STAB2: variants seen among roughly 807,000 people sequenced by gnomAD.
STAB2 encodes stabilin 2, also known as stabilin-2.
Under a neutral mutation model 338.1 loss-of-function variants are expected in STAB2, and 288 were observed. That is an observed-to-expected ratio of 0.85 (90% confidence interval 0.77 to 0.94). The LOEUF (loss-of-function observed/expected upper bound fraction) is 0.94. Among genes scored for constraint, STAB2 ranks in the 40% least tolerant of loss-of-function variants. The pLI is 0.00. For missense variants in STAB2, 3,141 were observed against 3,210.1 expected, an observed-to-expected ratio of 0.98 and a Z score of 0.52; for synonymous variants, 1,202 against 1,193.3, an observed-to-expected ratio of 1.01 and a Z score of -0.15.
intron 3 of STAB2, among the ~76,000 whole-genome samples, chr12:103,613,347 TC>T (rs1352272831): frequency 6.6e-6 from 1 of 152,142 alleles, no homozygotes; most frequent in Non-Finnish European, 1.5e-5. Context: ...AGTTCGAGCT[TC>T]CCGGCCACTT....
At chr12:103,702,291 G>GTT (rs1348975087) in intron 34 of STAB2, among the ~76,000 whole-genome samples, 65 of 124,848 alleles carry the variant, frequency 5.2e-4, no homozygotes, top group African/African-American at 1.8e-3. Flanking sequence ...AAAATTATCA[G>GTT]TTATTTTTTT....
chr12:103,693,179 T>A (rs751659854), intron 31 of STAB2, among the ~76,000 whole-genome samples: 2 of 152,132 alleles, frequency 1.3e-5, no homozygotes, highest in Non-Finnish European at 2.9e-5. Context: ...TGAGGCCAGG[T>A]GCTGTGGCTC....
At chr12:103,592,803 T>C (rs1001103873) in intron 2 of STAB2, among the ~76,000 whole-genome samples, 2 of 152,212 alleles carry the variant, frequency 1.3e-5, no homozygotes, top group African/African-American at 4.8e-5. Context: ...TCATCTTTCA[T>C]AACCAAAACT....
At chr12:103,605,175 A>T (rs1236959832) in intron 3 of STAB2, among the ~76,000 whole-genome samples, 1 of 151,914 alleles carries the variant, frequency 6.6e-6, no homozygotes, top group Non-Finnish European at 1.5e-5. Flanking sequence ...TTGTTTCCAA[A>T]TATGTTTCTT....
intron 52 of STAB2, 72 bp downstream of exon 52, chr12:103,735,652 C>A: frequency 8.4e-7 from 1 of 1,195,358 alleles, no homozygotes; most frequent in Non-Finnish European, 1.2e-6. Context: ...CAACAACTGC[C>A]CCTTCAAGGA....
Position 103,762,399 on chromosome 12 carries a change from T to C in STAB2, c.7485T>C (p.Phe2495=), listed in dbSNP as rs774230650. ...INRRTIGFQH[F]ESEEDINVAA... ...GGAGAACAATCGGCTTCCAGCATTT[T>C]GAGGTAAGAGAGAAAAATGGGAACA... The change falls in exon 67 of 69, where the codon TTT becomes TTC. Residue 2495 remains phenylalanine, a synonymous_variant. Transcript: ENST00000388887. 6.2e-7 allele frequency: 1 copy of C among 1,614,200 alleles called. No homozygotes were observed. The highest frequency in any genetic ancestry group is 1.1e-5 in the South Asian group (1 of 91,080).
chr12:103,643,921 C>T (rs1873114870), intron 9 of STAB2, among the ~76,000 whole-genome samples: 5 of 113,632 alleles, frequency 4.4e-5, no homozygotes, highest in South Asian at 2.9e-4. Flanking sequence ...TGAGGAGCCC[C>T]TCTGCCCGGC....
chr12:103,688,624 GC>G (rs1456991722), intron 28 of STAB2, among the ~76,000 whole-genome samples: 9 of 152,006 alleles, frequency 5.9e-5, no homozygotes, highest in Admixed American at 3.9e-4. Context: ...AGCCCAGCCA[GC>G]CATTGCAACA....
intron 3 of STAB2, among the ~76,000 whole-genome samples, chr12:103,618,587 T>A (rs562605348): frequency 6.6e-6 from 1 of 152,256 alleles, no homozygotes; most frequent in East Asian, 1.9e-4. Context: ...AAAGGTCTTA[T>A]GTGATGGGGA....
At chr12:103,694,756 G>T (rs567226091) in intron 31 of STAB2, among the ~76,000 whole-genome samples, 6 of 152,224 alleles carry the variant, frequency 3.9e-5, no homozygotes, top group African/African-American at 1.4e-4. Context: ...AAACATTCCA[G>T]TGTTGAATTC....
chr12:103,718,231 C>G (rs144797329), intron 44 of STAB2, among the ~76,000 whole-genome samples: 11 of 152,224 alleles, frequency 7.2e-5, no homozygotes, highest in African/African-American at 2.6e-4. Flanking sequence ...CGTAGGAATC[C>G]ACAGCGAGCG....
At chr12:103,739,895 G>T (rs1181084929) in intron 54 of STAB2, among the ~76,000 whole-genome samples, 3 of 152,128 alleles carry the variant, frequency 2.0e-5, no homozygotes, top group African/African-American at 7.2e-5. Context: ...TCTCAGAGAG[G>T]GTAAGCAATC....
chr12:103,723,157 T>C (rs944463432), intron 44 of STAB2, among the ~76,000 whole-genome samples: 2 of 151,816 alleles, frequency 1.3e-5, no homozygotes, highest in African/African-American at 4.8e-5. Context: ...TAATTGAGAG[T>C]TGAGAAAGGT....
At chr12:103,610,224 C>T (rs1056631022) in intron 3 of STAB2, among the ~76,000 whole-genome samples, 1 of 152,024 alleles carries the variant, frequency 6.6e-6, no homozygotes, top group African/African-American at 2.4e-5. Context: ...GGAGGATTCC[C>T]TCTTTTTCTA....
chr12:103,689,049 C>T (rs1877691726), intron 28 of STAB2, among the ~76,000 whole-genome samples: 1 of 151,440 alleles, frequency 6.6e-6, no homozygotes, highest in Non-Finnish European at 1.5e-5. Flanking sequence ...AGTTGTTAAA[C>T]ATGCCACTGC....
rs972467403 is a variant in STAB2 at position 103,655,527 on chromosome 12, T to C, written c.1680T>C (p.Asn560=). The change falls in exon 15 of 69, where the codon AAT becomes AAC. Residue 560 remains asparagine, a synonymous_variant. Transcript: ENST00000388887. The stretch of plus-strand genomic sequence containing the variant: ...CATACACCATTTTTGTTCCAAATAA[T>C]GAAGCATTGAATAACATGAAGGACG... ...GGPYTIFVPN[N]EALNNMKDGT... 3.1e-6 allele frequency: 5 copies of C among 1,613,952 alleles called. No homozygotes were observed. In the African/African-American group the frequency reaches 5.3e-5, roughly 17 times the overall value.
chr12:103,669,964 T>G (rs1417867565), intron 21 of STAB2, among the ~76,000 whole-genome samples: 1 of 152,206 alleles, frequency 6.6e-6, no homozygotes, highest in Non-Finnish European at 1.5e-5. Flanking sequence ...GAACTAAGAT[T>G]TTATGATAGT....
At chr12:103,715,494 T>C (rs1242649690) in intron 42 of STAB2, among the ~76,000 whole-genome samples, 2 of 152,220 alleles carry the variant, frequency 1.3e-5, no homozygotes, top group African/African-American at 4.8e-5. Flanking sequence ...TCTTCATTCA[T>C]AGCAGTCTTA....
intron 10 of STAB2, among the ~76,000 whole-genome samples, chr12:103,649,267 T>C (rs1873561588): frequency 6.6e-6 from 1 of 152,194 alleles, no homozygotes; most frequent in African/African-American, 2.4e-5. Context: ...GCTGTTTGAA[T>C]TTTGGAATAG....
Sources: gnomAD v4.1 joint callset for allele counts (sites outside exome capture counted in the v4.1 genomes callset) on GRCh38, gnomAD v4.1.1 for gene constraint, MANE v1.5 for transcripts, NCBI Gene and HGNC (gene_info 2026-07-23, HGNC 2026-07-21) for gene names.